The following TNFSF11 variants were observed in gnomAD, a reference collection of about 807,000 sequenced individuals.
The protein encoded by TNFSF11 is TNF superfamily member 11.
A neutral mutation model predicts 32.2 loss-of-function variants in TNFSF11; 12 were observed. The ratio of observed to expected loss-of-function variants is 0.37; its 90% CI spans 0.24 to 0.60. TNFSF11 has a LOEUF of 0.60. TNFSF11 is among the 20% of genes least tolerant of loss of function. The pLI is 0.66. For missense variants in TNFSF11, 345 were observed against 398.0 expected (o/e 0.87, Z 1.13); for synonymous variants, 172 against 152.1 (o/e 1.13, Z -0.96).
chr13:42,571,308 G>A (rs1263583169), upstream of TNFSF11, among the ~76,000 whole-genome samples: 4 of 152,224 alleles, frequency 2.6e-5, no homozygotes, highest in African/African-American at 9.6e-5. Flanking sequence ...TGAAGCTGAT[G>A]TAGAAAAGGA....
At chr13:42,589,168 T>A (rs912846974) in intron 2 of TNFSF11, among the ~76,000 whole-genome samples, 5 of 152,192 alleles carry the variant, frequency 3.3e-5, no homozygotes, top group African/African-American at 1.2e-4. Flanking sequence ...TCTCATTTGA[T>A]CTAGTTTTTC....
chr13:42,568,371 A>C (rs907117805), intron 2 of TNFSF11, among the ~76,000 whole-genome samples: 1 of 152,216 alleles, frequency 6.6e-6, no homozygotes, highest in African/African-American at 2.4e-5. Context: ...TCCATTCTTA[A>C]GAAATAAAAC....
chr13:42,574,431 C>A lies in TNFSF11; in HGVS notation c.128C>A (p.Ala43Asp). ...PPPPAPHQPP[A>D]ASRSMFVALL... ...CCGCCTGCGCCGCACCAGCCCCCTG[C>A]CGCCTCCCGCTCCATGTTCGTGGCC... Residue 43 changes from alanine (A) to aspartate (D), a missense_variant, in exon 1 of 5, where the codon GCC becomes GAC. Ala to Asp is a moderately radical substitution (Grantham distance 126). Coordinates refer to ENST00000398795, the MANE Select transcript of TNFSF11 (RefSeq NM_003701.4). The A allele has an allele frequency of 6.2e-7, 1 of 1,601,810 alleles. No homozygotes were observed. The highest frequency in any genetic ancestry group is 8.5e-7 in the Non-Finnish European group (1 of 1,177,216).
chr13:42,578,534 G>A (rs1873432623), intron 1 of TNFSF11, among the ~76,000 whole-genome samples: 1 of 152,234 alleles, frequency 6.6e-6, no homozygotes, highest in Non-Finnish European at 1.5e-5. Context: ...CAAAATAAAT[G>A]AGTATATTAA....
intron 2 of TNFSF11, among the ~76,000 whole-genome samples, chr13:42,591,447 T>A (rs1868468096): frequency 6.6e-6 from 1 of 152,076 alleles, no homozygotes; most frequent in Admixed American, 6.5e-5. Flanking sequence ...CCAGTGCTCC[T>A]GTCCTCTCCC....
intron 2 of TNFSF11, among the ~76,000 whole-genome samples, chr13:42,598,953 G>C (rs1433726847): frequency 6.6e-6 from 1 of 152,188 alleles, no homozygotes; most frequent in Non-Finnish European, 1.5e-5. Flanking sequence ...TGACATGAGT[G>C]GGGAAGAAAA....
intron 2 of TNFSF11, among the ~76,000 whole-genome samples, chr13:42,591,760 G>GCACAA (rs1449067158): frequency 6.6e-6 from 1 of 152,150 alleles, no homozygotes; most frequent in Non-Finnish European, 1.5e-5. Flanking sequence ...ATTAGCTATT[G>GCACAA]CACAACACCC....
Position 42,577,157 on chromosome 13 carries a change from A to G in TNFSF11, c.219+2635A>G, listed in dbSNP as rs1390153969. Among the ~76,000 whole-genome samples the G allele has an allele frequency of 2.6e-5, 4 of 152,240 alleles. No homozygotes were observed. The East Asian group carries it at 7.7e-4, about 29-fold the overall frequency. ...ACATGTTTGTAGTTTACAGTTAAAA[A>G]TGACGAATTAGTTTTATTGTTTTTG... is the stretch of plus-strand genomic sequence containing the variant. On this transcript the variant is annotated intron_variant, in intron 1 of 4. Transcript: ENST00000398795.
chr13:42,567,550 AGGCCCTGTTT>A (rs1297036439), intron 2 of TNFSF11, among the ~76,000 whole-genome samples: 1 of 152,228 alleles, frequency 6.6e-6, no homozygotes, highest in Non-Finnish European at 1.5e-5. Flanking sequence ...CCAACCAAAT[AGGCCCTGTTT>A]GGCCAGGAGG....
intron 2 of TNFSF11, among the ~76,000 whole-genome samples, chr13:42,582,498 A>G (rs1395874507): frequency 6.6e-6 from 1 of 152,270 alleles, no homozygotes; most frequent in Non-Finnish European, 1.5e-5. Flanking sequence ...TAAAAAAATT[A>G]AACATGATCA....
intron 4 of TNFSF11, among the ~76,000 whole-genome samples, chr13:42,605,570 G>T (rs191904523): frequency 5.5e-4 from 84 of 151,682 alleles, no homozygotes; most frequent in African/African-American, 1.8e-3. Flanking sequence ...TGGACACACT[G>T]CTGGTTTAGA....
intron 2 of TNFSF11, among the ~76,000 whole-genome samples, chr13:42,589,750 G>C (rs996518991): frequency 1.3e-5 from 2 of 152,198 alleles, no homozygotes; most frequent in Non-Finnish European, 2.9e-5. Context: ...AGGGCAAAGG[G>C]CATGTCTGTC....
chr13:42,577,649 A>G (rs539644790), intron 1 of TNFSF11, among the ~76,000 whole-genome samples: 2 of 152,156 alleles, frequency 1.3e-5, no homozygotes, highest in Non-Finnish European at 2.9e-5. Context: ...TGCCCTTTTA[A>G]CTTCTTCCCT....
rs1873180388 is a variant in TNFSF11 at position 42,574,191 on chromosome 13, C to A, written c.-113C>A. ...GCGCCCCAGGACCCAAAGCCGGGCT[C>A]CAAGTCGGCGCCCCACGTCGAGGCT... On this transcript the variant is annotated 5_prime_UTR_variant, in exon 1 of 5. Transcript: ENST00000398795. 4.2e-6 allele frequency: 6 copies of A among 1,435,308 alleles called. No individual in the cohort carries two copies. Among genetic ancestry groups the A allele is most frequent in the Non-Finnish European group, 5.7e-6 (6 of 1,051,396 alleles). 88.9% of individuals were successfully genotyped at this position (1,435,308 alleles called of 1,614,324 possible). A position where few individuals can be genotyped will look rare whatever the true frequency, so the allele number is the denominator to read the frequency against.
chr13:42,606,540 T>A lies in TNFSF11; in HGVS notation c.576T>A (p.Gly192=). Residue 192 remains glycine, a synonymous_variant, in exon 5 of 5, where the codon GGT becomes GGA. Transcript: ENST00000398795. ...TGTCCTCTTGGTACCATGATCGGGGTTGGGCCAAGATCTCCAACATGACTT... is the reference window on the plus strand; with the variant it reads ...TGTCCTCTTGGTACCATGATCGGGGATGGGCCAAGATCTCCAACATGACTT... ...VSLSSWYHDR[G]WAKISNMTFS... 1 of 1,614,136 alleles carries A rather than the reference T, an allele frequency of 6.2e-7. No homozygotes were observed. Among genetic ancestry groups the A allele is most frequent in the Non-Finnish European group, 8.5e-7 (1 of 1,180,024 alleles).
chr13:42,587,980 T>C (rs1016713697), intron 2 of TNFSF11, among the ~76,000 whole-genome samples: 2 of 152,214 alleles, frequency 1.3e-5, no homozygotes, highest in Non-Finnish European at 2.9e-5. Flanking sequence ...ATTGCCTCTT[T>C]CCCTTTGTAT....
chr13:42,589,414 G>C (rs1874056646), intron 2 of TNFSF11, among the ~76,000 whole-genome samples: 1 of 152,090 alleles, frequency 6.6e-6, no homozygotes, highest in South Asian at 2.1e-4. Flanking sequence ...CACTGCCACT[G>C]GCCCATCCTT....
intron 2 of TNFSF11, among the ~76,000 whole-genome samples, chr13:42,585,519 A>G (rs1466044639): frequency 1.3e-5 from 2 of 152,140 alleles, no homozygotes; most frequent in Non-Finnish European, 2.9e-5. Context: ...CCTCTAAGTG[A>G]TCCAACCCTA....
intron 2 of TNFSF11, among the ~76,000 whole-genome samples, chr13:42,598,518 T>G (rs1279037847): frequency 6.6e-6 from 1 of 152,136 alleles, no homozygotes; most frequent in Non-Finnish European, 1.5e-5. Flanking sequence ...TGACAAGAAC[T>G]GGGAAATAAG....
Sources: allele counts gnomAD v4.1 joint callset (sites outside exome capture counted in the v4.1 genomes callset), GRCh38; gene constraint gnomAD v4.1.1; transcripts MANE v1.5; gene names NCBI Gene and HGNC (gene_info 2026-07-23, HGNC 2026-07-21).